NBEA: variants seen among roughly 807,000 people sequenced by gnomAD.
NBEA encodes the protein lysosomal-trafficking regulator 2.
NBEA carries 44 observed loss-of-function variants against 343.4 expected under a neutral mutation model. The observed-to-expected ratio is 0.13, with a 90% CI of 0.10 to 0.16. The LOEUF is 0.16. Ranked by LOEUF, NBEA falls within the 10% of genes least tolerant of loss-of-function variation. The pLI is 1.00. For synonymous variants in NBEA, 1,175 were observed against 1,238.7 expected, an observed-to-expected ratio of 0.95 and a Z score of 1.08; for missense variants, 2,555 against 3,631.3, an observed-to-expected ratio of 0.70 and a Z score of 7.62.
intron 45 of NBEA, among the ~76,000 whole-genome samples, chr13:35,569,422 T>C (rs1208591716): frequency 6.6e-6 from 1 of 152,220 alleles, no homozygotes; most frequent in East Asian, 1.9e-4. Flanking sequence ...TATTACAACC[T>C]CGTACGATGA....
intron 48 of NBEA, among the ~76,000 whole-genome samples, chr13:35,615,691 G>A (rs924267430): frequency 6.6e-6 from 1 of 152,158 alleles, no homozygotes; most frequent in African/African-American, 2.4e-5. Flanking sequence ...TTATCAAGGT[G>A]TCAGTGTTCT....
chr13:35,496,971 TAAAGAAC>T (rs1475119493), intron 41 of NBEA, among the ~76,000 whole-genome samples: 1 of 152,064 alleles, frequency 6.6e-6, no homozygotes, highest in Non-Finnish European at 1.5e-5. Context: ...TTATCAAATC[TAAAGAAC>T]CATGAAGCAA....
At chr13:35,611,802 A>T (rs1318988451) in intron 48 of NBEA, among the ~76,000 whole-genome samples, 1 of 152,226 alleles carries the variant, frequency 6.6e-6, no homozygotes, top group Non-Finnish European at 1.5e-5. Context: ...TTGTTCACCC[A>T]TTCATCAGTT....
chr13:35,155,457 C>T (rs888883056), intron 18 of NBEA, among the ~76,000 whole-genome samples: 1 of 152,006 alleles, frequency 6.6e-6, no homozygotes, highest in Non-Finnish European at 1.5e-5. Flanking sequence ...AACCCTGTCT[C>T]TACTAAAAAT....
intron 17 of NBEA, among the ~76,000 whole-genome samples, chr13:35,137,583 A>G (rs1311251417): frequency 6.6e-6 from 1 of 152,120 alleles, no homozygotes; most frequent in Non-Finnish European, 1.5e-5. Context: ...TTTATTTAAA[A>G]TAAAATTTAG....
intron 41 of NBEA, among the ~76,000 whole-genome samples, chr13:35,502,284 A>G (rs1446243754): frequency 2.0e-5 from 3 of 152,112 alleles, no homozygotes; most frequent in African/African-American, 4.8e-5. Flanking sequence ...ATATTTCTGC[A>G]TATGCTTCGA....
intron 58 of NBEA, among the ~76,000 whole-genome samples, chr13:35,668,830 A>G (rs568870376): frequency 6.6e-6 from 1 of 152,332 alleles, no homozygotes; most frequent in East Asian, 1.9e-4. Flanking sequence ...AGTCTCAGAC[A>G]GGCCACCCTG....
At chr13:35,067,627 T>A (rs192783938) in intron 8 of NBEA, among the ~76,000 whole-genome samples, 2 of 152,252 alleles carry the variant, frequency 1.3e-5, no homozygotes, top group East Asian at 3.9e-4. Context: ...CTCCTCCTAG[T>A]CATACAGATT....
chr13:35,582,952 A>C (rs2081124391), intron 45 of NBEA, among the ~76,000 whole-genome samples: 1 of 152,198 alleles, frequency 6.6e-6, no homozygotes, highest in African/African-American at 2.4e-5. Flanking sequence ...GTTAATTATA[A>C]ATATTAAATT....
chr13:35,173,696 C>T, intron 27 of NBEA, 102 bp downstream of exon 27: 1 of 1,146,036 alleles, frequency 8.7e-7, no homozygotes. Context: ...TGATAGAGAG[C>T]AAGGACATTG....
At chr13:35,432,515 T>C (rs117768651) in intron 39 of NBEA, 122 bp downstream of exon 39, 11,809 of 882,044 alleles carry the variant, frequency 0.013, 119 homozygotes, top group Non-Finnish European at 0.016. Context: ...GTCAGAAATA[T>C]TTTGTTCTGC....
intron 41 of NBEA, among the ~76,000 whole-genome samples, chr13:35,537,301 T>C (rs1177038914): frequency 6.6e-6 from 1 of 152,024 alleles, no homozygotes; most frequent in Non-Finnish European, 1.5e-5. Context: ...CCTGTATATA[T>C]ACAGGGTCTC....
intron 49 of NBEA, among the ~76,000 whole-genome samples, chr13:35,631,423 A>T (rs372140831): frequency 2.0e-5 from 3 of 152,080 alleles, no homozygotes; most frequent in Non-Finnish European, 2.9e-5. Context: ...TAACCCTTTT[A>T]TTGAGCTCAA....
At chr13:34,965,243 G>C (rs543026068) in intron 1 of NBEA, among the ~76,000 whole-genome samples, 7 of 152,078 alleles carry the variant, frequency 4.6e-5, no homozygotes, top group African/African-American at 1.7e-4. Flanking sequence ...TATCTTTAAG[G>C]ATTTCAAGAT....
chr13:35,169,113 A>T (rs1187193917), intron 25 of NBEA, 118 bp downstream of exon 25: 1 of 676,342 alleles, frequency 1.5e-6, no homozygotes. Context: ...AACATGAGAC[A>T]TATCTTTTGT....
chr13:35,122,398 T>C (rs1487793812), intron 16 of NBEA, among the ~76,000 whole-genome samples: 3 of 151,874 alleles, frequency 2.0e-5, no homozygotes, highest in South Asian at 2.1e-4. Flanking sequence ...CCATAAAAAA[T>C]GATGAGTTCA....
intron 10 of NBEA, among the ~76,000 whole-genome samples, chr13:35,095,014 G>A (rs2065261746): frequency 1.3e-5 from 2 of 151,632 alleles, no homozygotes; most frequent in South Asian, 4.1e-4. Flanking sequence ...TCTAGCTGTG[G>A]TACTTAGCTT....
At chr13:35,134,162 G>A (rs2067587019) in intron 17 of NBEA, among the ~76,000 whole-genome samples, 1 of 151,884 alleles carries the variant, frequency 6.6e-6, no homozygotes, top group Admixed American at 6.6e-5. Context: ...AAAATATAAA[G>A]CAAAATTCAT....
intron 41 of NBEA, among the ~76,000 whole-genome samples, chr13:35,542,211 G>A (rs1011749248): frequency 6.6e-6 from 1 of 150,906 alleles, no homozygotes; most frequent in African/African-American, 2.4e-5. Context: ...GTTTATAATG[G>A]CATATAATAA....
Sources: gnomAD v4.1 joint callset for allele counts (sites outside exome capture counted in the v4.1 genomes callset) on GRCh38, gnomAD v4.1.1 for gene constraint, MANE v1.5 for transcripts, NCBI Gene and HGNC (gene_info 2026-07-23, HGNC 2026-07-21) for gene names.